USP42: variants seen among roughly 807,000 people sequenced by gnomAD.
USP42 encodes the protein ubiquitin carboxyl-terminal hydrolase 42.
A neutral mutation model predicts 113.0 loss-of-function variants in USP42; 23 were observed. That is an observed-to-expected ratio of 0.20 (90% CI 0.15 to 0.29). The LOEUF (loss-of-function observed/expected upper bound fraction) is 0.29, where lower values mean the gene tolerates loss of function less well. Among genes scored for constraint, USP42 ranks in the 10% least tolerant of loss-of-function variants. USP42 has a pLI of 1.00. For missense variants in USP42, 2,174 were observed against 1,779.8 expected (o/e 1.22, Z -3.99); for synonymous variants, 933 against 699.0 (o/e 1.33, Z -5.28).
At chr7:6,091,990 CTT>C in the USP42 span, among the ~76,000 whole-genome samples, 44 of 58,472 alleles carry the variant, frequency 7.5e-4, 3 homozygotes, top group African/African-American at 2.3e-3. Flanking sequence ...TCTTCTTCTT[CTT>C]CTTCTTCTTC....
intron 3 of USP42, among the ~76,000 whole-genome samples, chr7:6,124,128 A>AGAG (rs1472952122): frequency 2.0e-5 from 3 of 151,808 alleles, no homozygotes; most frequent in Non-Finnish European, 2.9e-5. Context: ...TGCCTGCCTC[A>AGAG]GTCTCCCTAA....
At chr7:6,151,880 A>G (rs1195073622) in intron 14 of USP42, among the ~76,000 whole-genome samples, 1 of 152,214 alleles carries the variant, frequency 6.6e-6, no homozygotes, top group Admixed American at 6.5e-5. Flanking sequence ...TTGGACTGTT[A>G]CAGTGACGGG....
rs1368481241 is a variant in USP42 at position 6,157,789 on chromosome 7, A to G, written c.3943+734A>G. ...CCAGCCTCTGCTTGAGTGACACTGCAGAGGCCTCCATGTGGCAGAGCGCTG... is the reference window on the plus strand; with the variant it reads ...CCAGCCTCTGCTTGAGTGACACTGCGGAGGCCTCCATGTGGCAGAGCGCTG... On this transcript the variant is annotated intron_variant, in intron 16 of 17. Transcript: ENST00000306177. The surrounding 1 kb of genome is among the most constrained non-coding windows in gnomAD (Gnocchi z 4.1). Among the ~76,000 whole-genome samples the G allele has an allele frequency of 6.6e-6, 1 of 152,168 alleles. No homozygotes were observed. The highest frequency in any genetic ancestry group is 1.5e-5 in the Non-Finnish European group (1 of 68,036).
upstream of USP42, among the ~76,000 whole-genome samples, chr7:6,102,421 A>C (rs745644932): frequency 6.7e-6 from 1 of 148,738 alleles, no homozygotes; most frequent in African/African-American, 2.5e-5. Flanking sequence ...TTCTACTAAG[A>C]TTTAAGGGGC....
intron 3 of USP42, chr7:6,116,536 T>G (rs1779921053): frequency 3.3e-6 from 1 of 306,502 alleles, no homozygotes; most frequent in Non-Finnish European, 6.2e-6. Context: ...CTGGGGCTAT[T>G]AGTTACTAGG....
Position 6,125,419 on chromosome 7 carries a change from A to C in USP42, c.442+9896A>C, listed in dbSNP as rs1284314201. Among the ~76,000 whole-genome samples the C allele has an allele frequency of 2.0e-5, 3 of 150,994 alleles. No individual in the cohort carries two copies. In the South Asian group the frequency reaches 6.3e-4, roughly 32 times the overall value. ...GTGGGAGAATCGCTTGAACCTTGGA[A>C]GCGGGGGTTGCAGTGAGCCAAGAAC... On this transcript the variant is annotated intron_variant, in intron 3 of 17. Transcript: ENST00000306177.
At chr7:6,090,348 TTA>T in the USP42 span, among the ~76,000 whole-genome samples, 1 of 142,942 alleles carries the variant, frequency 7.0e-6, no homozygotes, top group Non-Finnish European at 1.5e-5. Flanking sequence ...ATATATATAT[TTA>T]TATATATATT....
chr7:6,153,238 G>C (rs4486101), intron 14 of USP42, among the ~76,000 whole-genome samples: 28,122 of 150,964 alleles, frequency 0.19, 4,072 homozygotes, highest in East Asian at 0.48. Flanking sequence ...ACACCACTGC[G>C]CTCCAGCCTG....
upstream of USP42, among the ~76,000 whole-genome samples, chr7:6,100,415 C>T (rs1360209123): frequency 1.3e-5 from 2 of 150,690 alleles, no homozygotes; most frequent in Non-Finnish European, 2.9e-5. Context: ...TTTCAACCTC[C>T]GCCTCCTGGG....
At chr7:6,142,906 G>T in intron 7 of USP42, 26 bp from the exon 8 acceptor site, 1 of 1,611,624 alleles carries the variant, frequency 6.2e-7, no homozygotes, top group African/African-American at 1.3e-5. Flanking sequence ...GCGGTGATGT[G>T]GTGTTTGTGC....
intron 14 of USP42, 27 bp downstream of exon 14, chr7:6,150,533 G>A (rs770718036): frequency 7.6e-5 from 121 of 1,599,394 alleles, no homozygotes; most frequent in African/African-American, 1.1e-4. Context: ...TCTGAGGCAC[G>A]TGTGGCAGCA....
chr7:6,120,178 A>G (rs1351375710), intron 3 of USP42, among the ~76,000 whole-genome samples: 1 of 151,652 alleles, frequency 6.6e-6, no homozygotes, highest in Non-Finnish European at 1.5e-5. Flanking sequence ...GTTAGCCAGG[A>G]TGGTCTTGAT....
intron 3 of USP42, among the ~76,000 whole-genome samples, chr7:6,128,849 G>T (rs1780683673): frequency 8.9e-6 from 1 of 111,974 alleles, no homozygotes; most frequent in African/African-American, 6.3e-5. Context: ...CGTGGACAGG[G>T]TCTCTCTGTC....
chr7:6,119,109 G>A (rs565921096), intron 3 of USP42, among the ~76,000 whole-genome samples: 10 of 152,008 alleles, frequency 6.6e-5, no homozygotes, highest in South Asian at 4.1e-4. Context: ...TAGTTACTTC[G>A]GAGGCTGAGG....
At chr7:6,113,925 C>G (rs1174675895) in intron 2 of USP42, among the ~76,000 whole-genome samples, 1 of 152,174 alleles carries the variant, frequency 6.6e-6, no homozygotes, top group African/African-American at 2.4e-5. Flanking sequence ...CCGACCCAAT[C>G]TCAGCCTTCT....
At position 6,154,765 on chromosome 7, in the gene USP42, G is replaced by T. The variant is rs1375774456; in HGVS notation, c.3211G>T (p.Ala1071Ser). The T allele has an allele frequency of 3.9e-6, 6 of 1,556,084 alleles. No individual in the cohort carries two copies. Among genetic ancestry groups the T allele is most frequent in the African/African-American group, 1.4e-5 (1 of 73,166 alleles). Residue 1071 changes from alanine to serine, a missense_variant, in exon 15 of 18, where the codon GCC becomes TCC. Physicochemically the swap from Ala to Ser is moderately conservative, Grantham distance 99. Transcript: ENST00000306177. ...YYHDRYALYA[A>S]RDWKPFHGGR... ...CCATGACAGGTACGCCCTGTACGCT[G>T]CCCGGGACTGGAAGCCCTTCCACGG...
intron 3 of USP42, among the ~76,000 whole-genome samples, chr7:6,117,732 C>T (rs995227138): frequency 1.3e-5 from 2 of 152,192 alleles, no homozygotes; most frequent in African/African-American, 4.8e-5. Flanking sequence ...TCAGTTTTAG[C>T]CATCTCCATA....
intron 2 of USP42, among the ~76,000 whole-genome samples, chr7:6,112,516 A>G (rs1033067145): frequency 6.6e-6 from 1 of 152,210 alleles, no homozygotes; most frequent in African/African-American, 2.4e-5. Flanking sequence ...AATGATACAA[A>G]TGTGGTTACA....
intron 12 of USP42, among the ~76,000 whole-genome samples, chr7:6,149,204 C>T (rs1031944906): frequency 6.6e-6 from 1 of 152,104 alleles, no homozygotes; most frequent in African/African-American, 2.4e-5. Context: ...TGCTCCGAGG[C>T]GAGGGTGATT....
Sources: gnomAD v4.1 joint callset for allele counts (sites outside exome capture counted in the v4.1 genomes callset) on GRCh38, gnomAD v4.1.1 for gene constraint, Gnocchi (gnomAD v3.1) non-coding constraint, MANE v1.5 for transcripts, NCBI Gene and HGNC (gene_info 2026-07-23, HGNC 2026-07-21) for gene names.